Variants in SERPINC1 observed in about 807,000 individuals in gnomAD.
SERPINC1 encodes the protein serpin family C member 1.
SERPINC1 carries 12 observed loss-of-function variants against 43.4 expected under a neutral mutation model. The observed-to-expected ratio is 0.28, with a 90% CI of 0.18 to 0.45. The LOEUF is 0.45. SERPINC1 is among the 20% of genes least tolerant of loss of function. The pLI is 1.00. For synonymous variants in SERPINC1, 210 were observed against 218.9 expected (o/e 0.96, Z 0.36); for missense variants, 423 against 578.8 (o/e 0.73, Z 2.76).
At chr1:173,910,005 CAT>C in intron 4 of SERPINC1, 63 bp from the exon 5 acceptor site, 1 of 1,483,356 alleles carries the variant, frequency 6.7e-7, no homozygotes, top group East Asian at 2.3e-5. Flanking sequence ...TGACACAAGA[CAT>C]ATCCATATTA....
At chr1:173,914,075 C>T (rs1199086717) in intron 2 of SERPINC1, among the ~76,000 whole-genome samples, 9 of 122,848 alleles carry the variant, frequency 7.3e-5, no homozygotes, top group African/African-American at 4.0e-4. Context: ...GAGATTCCAT[C>T]TCAAAAAAAA....
chr1:173,905,700 G>A (rs763972737), intron 6 of SERPINC1, among the ~76,000 whole-genome samples: 21 of 150,702 alleles, frequency 1.4e-4, no homozygotes, highest in Admixed American at 3.3e-4. Flanking sequence ...CAGCCTAGGC[G>A]AGAGAGCAAG....
At chr1:173,910,314 C>T (rs904612459) in intron 4 of SERPINC1, among the ~76,000 whole-genome samples, 1 of 152,150 alleles carries the variant, frequency 6.6e-6, no homozygotes, top group Admixed American at 6.5e-5. Flanking sequence ...CGCGGTGGCT[C>T]ATGCCTGTAA....
At chr1:173,917,092 G>T in intron 1 of SERPINC1, 127 bp downstream of exon 1, 1 of 819,414 alleles carries the variant, frequency 1.2e-6, no homozygotes. Context: ...TTCCAAACAG[G>T]TCTTTGACTG....
Position 173,914,897 on chromosome 1 carries a change from G to T in SERPINC1, c.64C>A (p.Leu22Met). ...ACGCAGTCCCAGAAGCCAATGAGCA[G>T]CAAGGACAAAAGATAAACCTTCCTG... ...GKRKVYLLSL[L>M]LIGFWDCVTC... The change falls in exon 2 of 7, where the codon CTG becomes ATG. Residue 22 changes from leucine to methionine, a missense_variant. By Grantham distance (15) the Leu-to-Met change is conservative. Transcript: ENST00000367698. 3 of 1,614,038 alleles carry T rather than the reference G, an allele frequency of 1.9e-6. No homozygotes were observed. Among genetic ancestry groups the T allele is most frequent in the Non-Finnish European group, 1.7e-6 (2 of 1,180,048 alleles).
intron 2 of SERPINC1, among the ~76,000 whole-genome samples, chr1:173,914,234 A>T (rs982424811): frequency 5.9e-5 from 9 of 152,200 alleles, no homozygotes; most frequent in Non-Finnish European, 1.3e-4. Context: ...TAAATAAATG[A>T]TCAAATTAAT....
chr1:173,916,136 T>A (rs912788516), intron 1 of SERPINC1, among the ~76,000 whole-genome samples: 2 of 152,216 alleles, frequency 1.3e-5, no homozygotes, highest in Non-Finnish European at 2.9e-5. Flanking sequence ...TTTCACATTT[T>A]AAAAAAATGA....
chr1:173,915,089 C>T lies in SERPINC1; in HGVS notation c.42-170G>A, dbSNP rs1657933900. ...GGCCCGGGACAGGTTCAGTCCTAGA[C>T]TTCTTGCCAGGGGACAGTTCAGTTG... On this transcript the variant is annotated intron_variant, in intron 1 of 6. Coordinates refer to ENST00000367698, the MANE Select transcript of SERPINC1 (RefSeq NM_000488.4). 13 of 1,477,854 alleles carry T rather than the reference C, an allele frequency of 8.8e-6. No homozygotes were observed. In the South Asian group the frequency reaches 1.6e-4, roughly 19 times the overall value. 91.5% of individuals were successfully genotyped at this position (1,477,854 alleles called of 1,614,324 possible).
chr1:173,917,094 C>T (rs1329673028), intron 1 of SERPINC1, 125 bp downstream of exon 1: 1 of 839,654 alleles, frequency 1.2e-6, no homozygotes, highest in African/African-American at 1.7e-5. Context: ...CCAAACAGGT[C>T]TTTGACTGTA....
chr1:173,912,876 CT>C (rs1657828132), intron 2 of SERPINC1, among the ~76,000 whole-genome samples: 1 of 152,140 alleles, frequency 6.6e-6, no homozygotes, highest in South Asian at 2.1e-4. Context: ...CATTTAAGAT[CT>C]TACCTGGGGA....
chr1:173,910,697 G>A, intron 4 of SERPINC1, 57 bp downstream of exon 4: 1 of 1,580,778 alleles, frequency 6.3e-7, no homozygotes, highest in Non-Finnish European at 8.7e-7. Flanking sequence ...AAAAAAAGGG[G>A]GTAAGCTGAA....
In SERPINC1 at chr1:173,917,212, C is replaced by A. The variant is rs1658030178; in HGVS notation, c.41+7G>T. On this transcript the variant is annotated splice_region_variant and intron_variant, in intron 1 of 6. Coordinates refer to ENST00000367698, the MANE Select transcript of SERPINC1 (RefSeq NM_000488.4). Reference sequence around the variant, plus strand: ...GGGCAGGCAAGGGGAAAGCTCACCCCTCTTACCTTTTTCCAGAGGTTACAG... The same window carrying A: ...GGGCAGGCAAGGGGAAAGCTCACCCATCTTACCTTTTTCCAGAGGTTACAG... The A allele has an allele frequency of 6.2e-7, 1 of 1,613,654 alleles. No individual in the cohort carries two copies. Among genetic ancestry groups the A allele is most frequent in the African/African-American group, 1.3e-5 (1 of 74,908 alleles).
chr1:173,908,163 C>T (rs1657608750), intron 5 of SERPINC1, among the ~76,000 whole-genome samples: 1 of 151,832 alleles, frequency 6.6e-6, no homozygotes, highest in East Asian at 1.9e-4. Context: ...TCTTTCTTTC[C>T]AGTCTGGCAA....
At chr1:173,908,490 CAAA>C (rs753240633) in intron 5 of SERPINC1, among the ~76,000 whole-genome samples, 4 of 54,026 alleles carry the variant, frequency 7.4e-5, no homozygotes, top group African/African-American at 1.4e-4. Context: ...GACTTCGTCT[CAAA>C]AAAAAAAAAA....
Position 173,911,914 on chromosome 1 carries a change from G to A in SERPINC1, c.509C>T (p.Ser170Phe), listed in dbSNP as rs771696386. Residue 170 changes from serine to phenylalanine, a missense_variant, in exon 3 of 7, where the codon TCC (serine) becomes TTC (phenylalanine). Transcript: ENST00000367698. ...AAGGCGATTGGCTGATACTAACTTG[G>A]AGGATTTGTTGGCTTTTCGATAGAG... The part of the protein sequence containing the change: ...CRLYRKANKS[S>F]KLVSANRLFG... 6.2e-7 allele frequency: 1 copy of A among 1,614,090 alleles called. No individual in the cohort carries two copies. The highest frequency in any genetic ancestry group is 2.2e-5 in the East Asian group (1 of 44,900).
chr1:173,916,568 G>A (rs1307673268), intron 1 of SERPINC1, among the ~76,000 whole-genome samples: 1 of 151,486 alleles, frequency 6.6e-6, no homozygotes, highest in Admixed American at 6.5e-5. Flanking sequence ...CACTGCCTTC[G>A]GTTGCCCACT....
chr1:173,910,387 G>T (rs1225236507), intron 4 of SERPINC1, among the ~76,000 whole-genome samples: 1 of 152,036 alleles, frequency 6.6e-6, no homozygotes, highest in Non-Finnish European at 1.5e-5. Flanking sequence ...GACTATCCTG[G>T]CTAACACGGT....
intron 1 of SERPINC1, among the ~76,000 whole-genome samples, chr1:173,916,008 G>GT (rs893743075): frequency 3.3e-5 from 5 of 151,804 alleles, no homozygotes; most frequent in Non-Finnish European, 7.4e-5. Flanking sequence ...AATCAGTTCT[G>GT]TTTTTTTACT....
At chr1:173,914,512 G>C (rs1657904201) in intron 2 of SERPINC1, 41 bp downstream of exon 2, 1 of 1,612,634 alleles carries the variant, frequency 6.2e-7, no homozygotes, top group Non-Finnish European at 8.5e-7. Flanking sequence ...CCCCAAAGGT[G>C]CTCCTAACAA....
Sources: allele counts gnomAD v4.1 joint callset (sites outside exome capture counted in the v4.1 genomes callset), GRCh38; gene constraint gnomAD v4.1.1; transcripts MANE v1.5; gene names NCBI Gene and HGNC (gene_info 2026-07-23, HGNC 2026-07-21).